The following ALG5 variants were observed in gnomAD, a reference collection of about 807,000 sequenced individuals.
ALG5 encodes the protein ALG5 dolichyl-phosphate beta-glucosyltransferase, also known as dolichyl-phosphate beta-glucosyltransferase.
A neutral mutation model predicts 51.8 loss-of-function variants in ALG5; 26 were observed. The ratio of observed to expected loss-of-function variants is 0.50; its 90% CI spans 0.37 to 0.70. The LOEUF is 0.70. ALG5 is among the 30% of genes least tolerant of loss of function. The pLI, the probability that ALG5 is intolerant of heterozygous loss-of-function variation, is 0.00. For missense variants in ALG5, 311 were observed against 399.3 expected (o/e 0.78, Z 1.88); for synonymous variants, 141 against 136.1 (o/e 1.04, Z -0.25).
At chr13:36,989,872 CAACAACAAAA>C (rs1014255877) in intron 4 of ALG5, among the ~76,000 whole-genome samples, 3 of 152,128 alleles carry the variant, frequency 2.0e-5, no homozygotes, top group African/African-American at 7.2e-5. Context: ...CAAACAACAA[CAACAACAAAA>C]AACAACAAAA....
intron 9 of ALG5, among the ~76,000 whole-genome samples, chr13:36,952,053 T>C (rs916659884): frequency 2.6e-5 from 4 of 152,210 alleles, no homozygotes; most frequent in Non-Finnish European, 5.9e-5. Flanking sequence ...CCGAAAGTGC[T>C]GGGATTACAG....
In ALG5 at chr13:36,970,634, C is replaced by T. The variant is rs1367872933; in HGVS notation, c.621+1343G>A. On this transcript the variant is annotated intron_variant, in intron 7 of 9. Coordinates refer to ENST00000239891, the MANE Select transcript of ALG5 (RefSeq NM_013338.5). ...AAAAAAACAAACAAAAAAAGAAGGC[C>T]GGGCGTGGTGGCTCATGCCTGTAAT... Among the ~76,000 whole-genome samples, 3 of 150,960 alleles carry T rather than the reference C, an allele frequency of 2.0e-5. No homozygotes were observed. The East Asian group carries it at 5.8e-4, about 29-fold the overall frequency.
At position 36,949,846 on chromosome 13, in the gene ALG5, C is replaced by G; in HGVS notation, c.*96G>C. ...AAAATTATCAAAAGGCAGACAATGA[C>G]AAGAAGTTTATTTCAGCTTTACTTA... is the stretch of plus-strand genomic sequence containing the variant. On this transcript the variant is annotated 3_prime_UTR_variant, in exon 10 of 10. Transcript: ENST00000239891. 1.6e-6 allele frequency: 1 copy of G among 633,208 alleles called. No homozygotes were observed. The highest frequency in any genetic ancestry group is 3.5e-5 in the South Asian group (1 of 28,316). The allele number at this position is 633,208 out of a possible 1,614,324, so 39.2% of individuals were successfully genotyped here.
chr13:36,998,862 A>G (rs141412553), intron 1 of ALG5: 86 of 199,606 alleles, frequency 4.3e-4, no homozygotes, highest in Non-Finnish European at 6.6e-4. Flanking sequence ...CCCTGGGTGG[A>G]GCAGAACTGC....
intron 6 of ALG5, among the ~76,000 whole-genome samples, chr13:36,980,743 C>T (rs986451782): frequency 7.9e-5 from 12 of 151,966 alleles, no homozygotes; most frequent in Non-Finnish European, 1.2e-4. Context: ...GAGGCCGAGG[C>T]AGGCAGATCA....
intron 6 of ALG5, among the ~76,000 whole-genome samples, chr13:36,973,628 T>C (rs1347454547): frequency 6.6e-6 from 1 of 152,098 alleles, no homozygotes; most frequent in Non-Finnish European, 1.5e-5. Context: ...TAACAAAAAA[T>C]CCAACCATAT....
At chr13:36,993,976 G>C (rs73175064) in intron 3 of ALG5, among the ~76,000 whole-genome samples, 3,404 of 152,274 alleles carry the variant, frequency 0.022, 46 homozygotes, top group Non-Finnish European at 0.035. Flanking sequence ...ACATTTGAGA[G>C]GGTACAGGTG....
chr13:36,961,714 A>C (rs2058867677), intron 8 of ALG5, among the ~76,000 whole-genome samples: 1 of 152,186 alleles, frequency 6.6e-6, no homozygotes, highest in Admixed American at 6.5e-5. Context: ...CATTTAATTT[A>C]TATTAATATT....
chr13:36,989,895 A>C (rs985983599), intron 4 of ALG5, among the ~76,000 whole-genome samples: 9 of 152,030 alleles, frequency 5.9e-5, no homozygotes, highest in African/African-American at 1.9e-4. Flanking sequence ...CAACAAAAAA[A>C]CCCCACAAAA....
chr13:36,973,383 T>C (rs58470119), intron 6 of ALG5, among the ~76,000 whole-genome samples: 7,856 of 152,094 alleles, frequency 0.052, 664 homozygotes, highest in African/African-American at 0.18. Flanking sequence ...TTTAAATCAG[T>C]GGGAAAAAGA....
At chr13:36,992,307 C>T (rs2059029028) in intron 4 of ALG5, among the ~76,000 whole-genome samples, 1 of 152,144 alleles carries the variant, frequency 6.6e-6, no homozygotes, top group Non-Finnish European at 1.5e-5. Context: ...TCGACTTCTG[C>T]TTAACAGCTG....
chr13:36,961,674 T>C (rs2058867472), intron 8 of ALG5, among the ~76,000 whole-genome samples: 1 of 152,154 alleles, frequency 6.6e-6, no homozygotes. Flanking sequence ...TACTTAAAAT[T>C]TTTTAATCTA....
chr13:36,950,119 G>C (rs927136346), intron 9 of ALG5, 62 bp from the exon 10 acceptor site: 1 of 1,008,802 alleles, frequency 9.9e-7, no homozygotes, highest in Non-Finnish European at 1.5e-6. Flanking sequence ...AAACGTATCA[G>C]TTTAAAGTCA....
chr13:36,970,316 TA>T (rs910681263), intron 7 of ALG5, among the ~76,000 whole-genome samples: 1 of 151,718 alleles, frequency 6.6e-6, no homozygotes. Flanking sequence ...TAATTACTTC[TA>T]AAAAAAAGAG....
At chr13:36,957,287 T>A (rs550435521) in intron 8 of ALG5, among the ~76,000 whole-genome samples, 1 of 151,510 alleles carries the variant, frequency 6.6e-6, no homozygotes, top group Admixed American at 6.6e-5. Flanking sequence ...TTTACCCACA[T>A]GCCCAAATCT....
intron 9 of ALG5, among the ~76,000 whole-genome samples, chr13:36,951,425 CGA>C (rs1355816196): frequency 1.3e-5 from 2 of 152,114 alleles, no homozygotes; most frequent in African/African-American, 4.8e-5. Context: ...TGTATAATCT[CGA>C]GATTGGTTCT....
intron 7 of ALG5, 25 bp downstream of exon 7, chr13:36,971,951 TC>T: frequency 1.3e-5 from 20 of 1,578,114 alleles, no homozygotes; most frequent in Non-Finnish European, 1.7e-5. Flanking sequence ...TAATTGGCTG[TC>T]CCATGCCAAT....
chr13:36,973,230 A>G (rs1010988953), intron 6 of ALG5, among the ~76,000 whole-genome samples: 7 of 152,162 alleles, frequency 4.6e-5, no homozygotes, highest in African/African-American at 1.2e-4. Context: ...TTTAAAAAAT[A>G]TATGATAAAG....
chr13:36,977,763 G>A (rs1280969272), intron 6 of ALG5, among the ~76,000 whole-genome samples: 6 of 106,542 alleles, frequency 5.6e-5, no homozygotes, highest in Non-Finnish European at 1.7e-5. Flanking sequence ...CTGCACTCTA[G>A]CCTGGGCGAC....
Sources: gnomAD v4.1 joint callset for allele counts (sites outside exome capture counted in the v4.1 genomes callset) on GRCh38, gnomAD v4.1.1 for gene constraint, MANE v1.5 for transcripts, NCBI Gene and HGNC (gene_info 2026-07-23, HGNC 2026-07-21) for gene names.